HSPH1: variants seen among roughly 807,000 people sequenced by gnomAD.
The protein encoded by HSPH1 is heat shock protein family H (Hsp110) member 1.
Under a neutral mutation model 100.0 loss-of-function variants are expected in HSPH1, and 40 were observed. That is an observed-to-expected ratio of 0.40 (90% confidence interval 0.31 to 0.52). The LOEUF (loss-of-function observed/expected upper bound fraction) is 0.52. HSPH1 is among the 20% of genes least tolerant of loss of function. HSPH1 has a pLI of 0.54. For missense variants in HSPH1, 876 were observed against 1,015.1 expected (o/e 0.86, Z 1.86); for synonymous variants, 403 against 344.0 (o/e 1.17, Z -1.90).
Position 31,155,621 on chromosome 13 carries a change from A to C in HSPH1, c.199T>G (p.Phe67Val), listed in dbSNP as rs746198582. The C allele has an allele frequency of 6.2e-7, 1 of 1,611,940 alleles. No homozygotes were observed. The highest frequency in any genetic ancestry group is 2.2e-5 in the East Asian group (1 of 44,850). Reference protein sequence around the residue: ...ITHANNTVSNFKRFHGRAFND... With the variant: ...ITHANNTVSNVKRFHGRAFND... ...AATGCTCGGCCATGAAATCTTTTGA[A>C]GTTAGACACCGTATTGTTTGCATGA... The change falls in exon 3 of 18, where the codon TTC becomes GTC. Residue 67 changes from phenylalanine to valine, a missense_variant. Physicochemically the swap from Phe to Val is conservative, Grantham distance 50. Coordinates refer to ENST00000320027, the MANE Select transcript of HSPH1 (RefSeq NM_006644.4).
At chr13:31,158,346 C>G (rs914983548) in intron 2 of HSPH1, among the ~76,000 whole-genome samples, 1 of 152,014 alleles carries the variant, frequency 6.6e-6, no homozygotes, top group Non-Finnish European at 1.5e-5. Context: ...CTCAGGAGTT[C>G]GAGATCAGTC....
chr13:31,161,389 T>C (rs1221559759), intron 1 of HSPH1, 87 bp downstream of exon 1: 2 of 1,541,084 alleles, frequency 1.3e-6, no homozygotes, highest in East Asian at 2.4e-5. Context: ...TTTGCCGCGG[T>C]GATCCGTACA....
chr13:31,155,888 C>CA (rs535271350), intron 2 of HSPH1, among the ~76,000 whole-genome samples: 2 of 152,124 alleles, frequency 1.3e-5, no homozygotes, highest in Non-Finnish European at 2.9e-5. Flanking sequence ...GAACAAGAGG[C>CA]AAAATAGTGT....
Position 31,139,309 on chromosome 13 carries a change from T to C in HSPH1, c.1981-202A>G, listed in dbSNP as rs149411723. 2.2e-3 allele frequency: 1,167 copies of C among 527,546 alleles called. 6 individuals are homozygous for C. Among genetic ancestry groups the C allele is most frequent in the African/African-American group, 0.019 (984 of 52,550 alleles). The allele number at this position is 527,546 out of a possible 1,614,324, so 32.7% of individuals were successfully genotyped here. On this transcript the variant is annotated intron_variant, in intron 14 of 17. Coordinates refer to ENST00000320027, the MANE Select transcript of HSPH1 (RefSeq NM_006644.4). ...TATCTTAGAAGCCCAATCTGTACAATGAAATGTGGTTTCTAGAAGAGTATC... is the reference window on the plus strand; with the variant it reads ...TATCTTAGAAGCCCAATCTGTACAACGAAATGTGGTTTCTAGAAGAGTATC...
Position 31,151,639 on chromosome 13 carries a change from A to T in HSPH1, c.633T>A (p.Ser211=). The part of the protein sequence containing the change: ...VDMGHSAFQV[S]ACAFNKGKLK... ...ATTTTCCCTTGTTAAAAGCACAAGC[A>T]GACACTTGAAAAGCTGAATGTCCCA... Residue 211 remains serine, a synonymous_variant, in exon 6 of 18, where the codon TCT becomes TCA. Transcript: ENST00000320027. 1 of 1,612,706 alleles carries T rather than the reference A, an allele frequency of 6.2e-7. No homozygotes were observed. Among genetic ancestry groups the T allele is most frequent in the Non-Finnish European group, 8.5e-7 (1 of 1,179,458 alleles).
intron 8 of HSPH1, among the ~76,000 whole-genome samples, chr13:31,149,137 C>T (rs1328669974): frequency 6.6e-6 from 1 of 151,956 alleles, no homozygotes. Context: ...TTGAAGGAAT[C>T]AGTTAATTAA....
chr13:31,156,554 A>C (rs1956702390), intron 2 of HSPH1, among the ~76,000 whole-genome samples: 1 of 138,450 alleles, frequency 7.2e-6, no homozygotes, highest in Non-Finnish European at 1.6e-5. Context: ...ACAAGGGTGA[A>C]ACTCATTCTC....
At chr13:31,142,608 T>C (rs768822146) in intron 12 of HSPH1, among the ~76,000 whole-genome samples, 2 of 152,026 alleles carry the variant, frequency 1.3e-5, no homozygotes, top group Non-Finnish European at 2.9e-5. Context: ...TAGTACCCAA[T>C]TAAACCAACT....
At chr13:31,146,164 A>G (rs1300121896) in intron 10 of HSPH1, among the ~76,000 whole-genome samples, 1 of 152,076 alleles carries the variant, frequency 6.6e-6, no homozygotes. Flanking sequence ...TATCTGTGTA[A>G]AGGAGACAGA....
intron 16 of HSPH1, 31 bp from the exon 17 acceptor site, chr13:31,138,599 A>C (rs1360146763): frequency 1.3e-6 from 2 of 1,583,824 alleles, no homozygotes; most frequent in Non-Finnish European, 1.7e-6. Context: ...CATTCTGTAG[A>C]ATTTATTGAA....
In HSPH1 at chr13:31,143,849, C is replaced by G. The variant is rs765149973; in HGVS notation, c.1659G>C (p.Gln553His). Residue 553 changes from glutamine (Q) to histidine (H), a missense_variant, in exon 12 of 18, where the codon CAG (glutamine) becomes CAC (histidine). By Grantham distance (24) the Gln-to-His change is conservative. Transcript: ENST00000320027. ...QVQTDAQQTS[Q>H]SPPSPELTSE... ...AGGTAAGTTCAGGTGAAGGGGGAGA[C>G]TGTGAGGTTTGTTGAGCATCAGTTT... 18 of 1,611,734 alleles carry G rather than the reference C, an allele frequency of 1.1e-5. No homozygotes were observed. The highest frequency in any genetic ancestry group is 1.3e-5 in the Non-Finnish European group (15 of 1,178,672).
intron 2 of HSPH1, among the ~76,000 whole-genome samples, chr13:31,158,367 G>A (rs918824367): frequency 1.3e-5 from 2 of 151,968 alleles, no homozygotes; most frequent in African/African-American, 2.4e-5. Flanking sequence ...TGACCAACAT[G>A]GTGAAACCCC....
At chr13:31,143,644 T>C (rs765012741) in intron 12 of HSPH1, 148 bp downstream of exon 12, 18 of 699,350 alleles carry the variant, frequency 2.6e-5, no homozygotes, top group Non-Finnish European at 3.5e-5. Context: ...CTGGTTTTAG[T>C]TGAAAAATAC....
At chr13:31,155,725 T>C in intron 2 of HSPH1, 71 bp from the exon 3 acceptor site, 1 of 1,357,950 alleles carries the variant, frequency 7.4e-7, no homozygotes, top group Non-Finnish European at 1.0e-6. Context: ...TTAGTAATTT[T>C]ATTTATTCAC....
chr13:31,145,448 G>A (rs1434939370), intron 11 of HSPH1, 115 bp downstream of exon 11: 3 of 761,282 alleles, frequency 3.9e-6, no homozygotes, highest in African/African-American at 3.5e-5. Context: ...CTAAAATTCT[G>A]ATCAAAATTA....
chr13:31,145,013 A>G (rs991384459), intron 11 of HSPH1, among the ~76,000 whole-genome samples: 4 of 152,126 alleles, frequency 2.6e-5, no homozygotes, highest in Non-Finnish European at 5.9e-5. Context: ...AGCTTCCTAA[A>G]ATTCTTCTGT....
At chr13:31,141,327 T>C in intron 12 of HSPH1, 68 bp from the exon 13 acceptor site, 1 of 1,334,676 alleles carries the variant, frequency 7.5e-7, no homozygotes, top group Non-Finnish European at 1.0e-6. Context: ...AAAAAAAATG[T>C]CCTCATACTT....
At chr13:31,156,647 C>G (rs1226891609) in intron 2 of HSPH1, among the ~76,000 whole-genome samples, 2 of 152,112 alleles carry the variant, frequency 1.3e-5, no homozygotes, top group Non-Finnish European at 2.9e-5. Flanking sequence ...CCAGAAAATG[C>G]ATGGATCGCT....
intron 1 of HSPH1, among the ~76,000 whole-genome samples, chr13:31,159,383 T>A (rs1406056832): frequency 4.6e-5 from 7 of 152,128 alleles, no homozygotes; most frequent in Non-Finnish European, 8.8e-5. Context: ...GAGGTTCCCA[T>A]CTGGGAGATT....
Sources: gnomAD v4.1 joint callset for allele counts (sites outside exome capture counted in the v4.1 genomes callset) on GRCh38, gnomAD v4.1.1 for gene constraint, MANE v1.5 for transcripts, NCBI Gene and HGNC (gene_info 2026-07-23, HGNC 2026-07-21) for gene names.